The following ARB2A variants were observed in gnomAD, a reference collection of about 807,000 sequenced individuals.
The protein encoded by ARB2A is cotranscriptional regulator ARB2A.
At chr5:93,784,687 A>C in the ARB2A span, among the ~76,000 whole-genome samples, 402 of 152,238 alleles carry the variant, frequency 2.6e-3, 1 homozygote, top group Non-Finnish European at 4.5e-3. Context: ...GAAAAGACCT[A>C]ATATTTCATT....
At chr5:93,729,377 T>A in the ARB2A span, among the ~76,000 whole-genome samples, 4 of 152,094 alleles carry the variant, frequency 2.6e-5, no homozygotes, top group Non-Finnish European at 5.9e-5. Flanking sequence ...AGATATTTGG[T>A]CACTGAGGAT....
At chr5:94,002,116 T>C in the ARB2A span, among the ~76,000 whole-genome samples, 2 of 151,816 alleles carry the variant, frequency 1.3e-5, no homozygotes, top group African/African-American at 4.8e-5. Context: ...AAGGATAGAG[T>C]TGATTGAAGT....
At chr5:93,871,196 C>T in the ARB2A span, among the ~76,000 whole-genome samples, 2 of 152,094 alleles carry the variant, frequency 1.3e-5, no homozygotes, top group African/African-American at 4.8e-5. Context: ...ATTCTTAAAG[C>T]TTTTCTGATG....
the ARB2A span, among the ~76,000 whole-genome samples, chr5:93,879,670 A>G: frequency 2.6e-5 from 4 of 151,946 alleles, no homozygotes; most frequent in East Asian, 7.7e-4. Flanking sequence ...TAAAGAGAAC[A>G]AAAGAAAAAA....
At chr5:93,867,651 C>T in the ARB2A span, among the ~76,000 whole-genome samples, 946 of 151,976 alleles carry the variant, frequency 6.2e-3, 5 homozygotes, top group Non-Finnish European at 9.9e-3. Context: ...CTCTTGACTT[C>T]GTGATCTGCC....
chr5:94,106,250 T>C, the ARB2A span, among the ~76,000 whole-genome samples: 1 of 151,898 alleles, frequency 6.6e-6, no homozygotes, highest in African/African-American at 2.4e-5. Flanking sequence ...AAAGGTCCCA[T>C]AGCCAGGATC....
chr5:93,809,673 G>C, the ARB2A span, among the ~76,000 whole-genome samples: 1 of 151,970 alleles, frequency 6.6e-6, no homozygotes, highest in Admixed American at 6.6e-5. Flanking sequence ...ATCAGATGAA[G>C]TGCTTATAAT....
the ARB2A span, among the ~76,000 whole-genome samples, chr5:93,800,429 A>G: frequency 1.3e-5 from 2 of 151,180 alleles, no homozygotes; most frequent in East Asian, 3.9e-4. Context: ...ACACACGCAC[A>G]CAAAGATACA....
At chr5:94,011,820 A>G in the ARB2A span, among the ~76,000 whole-genome samples, 1 of 151,552 alleles carries the variant, frequency 6.6e-6, no homozygotes, top group Non-Finnish European at 1.5e-5. Flanking sequence ...CAAGTAGCAC[A>G]GACATGGTAT....
chr5:93,684,391 G>A, the ARB2A span, among the ~76,000 whole-genome samples: 1 of 152,152 alleles, frequency 6.6e-6, no homozygotes, highest in African/African-American at 2.4e-5. Flanking sequence ...CCTGACACAT[G>A]GGTAGCACTC....
chr5:93,806,351 A>AT, the ARB2A span, among the ~76,000 whole-genome samples: 2 of 151,874 alleles, frequency 1.3e-5, no homozygotes, highest in African/African-American at 4.8e-5. Flanking sequence ...AGCTTTTATA[A>AT]TTTTTTCATA....
At chr5:93,841,196 A>G in the ARB2A span, among the ~76,000 whole-genome samples, 1 of 152,188 alleles carries the variant, frequency 6.6e-6, no homozygotes, top group South Asian at 2.1e-4. Flanking sequence ...AAAACAGTCA[A>G]CTCTCCTTAT....
the ARB2A span, among the ~76,000 whole-genome samples, chr5:93,696,661 A>G: frequency 1.3e-5 from 2 of 152,160 alleles, no homozygotes; most frequent in South Asian, 4.1e-4. Context: ...ACTAATGTGG[A>G]GAATGCAGTA....
the ARB2A span, chr5:93,741,585 G>A: frequency 1.3e-6 from 2 of 1,494,252 alleles, no homozygotes. Flanking sequence ...CACCCGCAGC[G>A]GCTCTGGTAG....
the ARB2A span, among the ~76,000 whole-genome samples, chr5:93,759,359 A>C: frequency 2.5e-3 from 381 of 152,328 alleles, 1 homozygote; most frequent in African/African-American, 8.9e-3. Flanking sequence ...CTATTCCATA[A>C]GATAGAGAAA....
At chr5:93,717,058 T>G in the ARB2A span, among the ~76,000 whole-genome samples, 1 of 152,198 alleles carries the variant, frequency 6.6e-6, no homozygotes, top group Admixed American at 6.5e-5. Flanking sequence ...GATAATACTT[T>G]GATATACATA....
the ARB2A span, among the ~76,000 whole-genome samples, chr5:94,080,663 G>T: frequency 6.6e-6 from 1 of 152,098 alleles, no homozygotes; most frequent in Non-Finnish European, 1.5e-5. Context: ...CAGTGATTAA[G>T]TCAAGTGGTA....
chr5:93,935,181 C>A, the ARB2A span, among the ~76,000 whole-genome samples: 1 of 152,082 alleles, frequency 6.6e-6, no homozygotes, highest in African/African-American at 2.4e-5. Context: ...AATTCCACTA[C>A]AAAACGCAAT....
At chr5:93,988,018 A>C in the ARB2A span, among the ~76,000 whole-genome samples, 1 of 152,148 alleles carries the variant, frequency 6.6e-6, no homozygotes, top group Non-Finnish European at 1.5e-5. Context: ...TCAGTCTATA[A>C]GCCTAAGTGT....
Sources: gnomAD v4.1 joint callset for allele counts (sites outside exome capture counted in the v4.1 genomes callset) on GRCh38, gnomAD v4.1.1 for gene constraint, MANE v1.5 for transcripts, NCBI Gene and HGNC (gene_info 2026-07-23, HGNC 2026-07-21) for gene names.